Variants in TMEM131L observed in about 807,000 individuals in gnomAD.
The protein encoded by TMEM131L is transmembrane protein 131-like.
A neutral mutation model predicts 192.2 loss-of-function variants in TMEM131L; 54 were observed. The observed-to-expected ratio is 0.28, with a 90% CI of 0.23 to 0.35. The LOEUF is 0.35. Ranked by LOEUF, TMEM131L falls within the 10% of genes least tolerant of loss-of-function variation. TMEM131L has a pLI of 1.00. For synonymous variants in TMEM131L, 701 were observed against 704.9 expected, an observed-to-expected ratio of 0.99 and a Z score of 0.09; for missense variants, 1,888 against 1,972.9, an observed-to-expected ratio of 0.96 and a Z score of 0.82.
chr4:153,627,717 C>CA lies in TMEM131L; in HGVS notation c.4207+31dup, dbSNP rs1325393708. 1.9e-6 allele frequency: 3 copies of CA among 1,559,924 alleles called. No individual in the cohort carries two copies. The South Asian group carries it at 3.3e-5, about 17-fold the overall frequency. On this transcript the variant is annotated intron_variant, in intron 31 of 34. Coordinates refer to ENST00000409959, the MANE Select transcript of TMEM131L (RefSeq NM_001131007.2). ...GATGCATTCGTCTTGCTGCAGACAT[C>CA]AGCCAAGGGTTCTGTGCTGTCTGTA...
intron 20 of TMEM131L, 26 bp from the exon 21 acceptor site, chr4:153,598,564 T>C: frequency 3.7e-6 from 6 of 1,602,220 alleles, no homozygotes; most frequent in Non-Finnish European, 5.1e-6. Flanking sequence ...GTAATGCCTT[T>C]TTATATCTAT....
intron 3 of TMEM131L, among the ~76,000 whole-genome samples, chr4:153,515,912 A>ATTT (rs58389534): frequency 7.5e-6 from 1 of 132,688 alleles, no homozygotes. Flanking sequence ...TCCTCTGCCC[A>ATTT]TTTTTTTTTT....
Position 153,627,597 on chromosome 4 carries a change from C to G in TMEM131L, c.4125-8C>G. On this transcript the variant is annotated splice_polypyrimidine_tract_variant and splice_region_variant and intron_variant, in intron 30 of 34. Transcript: ENST00000409959. ...TGAGTCGTTCCTCCTTTGCCCTCTTCCCCACAGGACCGTGAATAGTCTCCC... is the reference window on the plus strand; with the variant it reads ...TGAGTCGTTCCTCCTTTGCCCTCTTGCCCACAGGACCGTGAATAGTCTCCC... 3 of 1,612,262 alleles carry G rather than the reference C, an allele frequency of 1.9e-6. No homozygotes were observed. The highest frequency in any genetic ancestry group is 1.7e-6 in the Non-Finnish European group (2 of 1,178,440).
intron 18 of TMEM131L, among the ~76,000 whole-genome samples, chr4:153,593,070 C>T (rs541300759): frequency 4.1e-4 from 63 of 152,242 alleles, no homozygotes; most frequent in African/African-American, 1.2e-3. Flanking sequence ...TCTCCACCTG[C>T]GGTTGGTTGA....
chr4:153,531,081 C>T (rs1299587839), intron 3 of TMEM131L, among the ~76,000 whole-genome samples: 1 of 152,168 alleles, frequency 6.6e-6, no homozygotes, highest in African/African-American at 2.4e-5. Context: ...TGCAAGTATC[C>T]TGGAATGAGC....
At chr4:153,571,015 C>T (rs1350329861) in intron 7 of TMEM131L, among the ~76,000 whole-genome samples, 1 of 152,004 alleles carries the variant, frequency 6.6e-6, no homozygotes, top group Non-Finnish European at 1.5e-5. Flanking sequence ...TAAATTAGTA[C>T]ATTCCTTTAA....
intron 4 of TMEM131L, among the ~76,000 whole-genome samples, chr4:153,552,821 G>A (rs979680196): frequency 2.0e-5 from 3 of 151,934 alleles, no homozygotes; most frequent in African/African-American, 7.3e-5. Flanking sequence ...ATGACAGAGT[G>A]AGACCTTGTC....
chr4:153,622,676 G>GC (rs776956400), intron 28 of TMEM131L, among the ~76,000 whole-genome samples: 33 of 152,142 alleles, frequency 2.2e-4, no homozygotes, highest in Non-Finnish European at 4.6e-4. Flanking sequence ...GGCCCTCTTA[G>GC]CCCCTAATTG....
At position 153,555,548 on chromosome 4, in the gene TMEM131L, T is replaced by A. The variant is rs190069306; in HGVS notation, c.309-239T>A. Among the ~76,000 whole-genome samples, 11 of 152,238 alleles carry A rather than the reference T, an allele frequency of 7.2e-5. 1 individual carries two copies. Among genetic ancestry groups the A allele is most frequent in the Admixed American group, 4.6e-4 (7 of 15,294 alleles). The stretch of plus-strand genomic sequence containing the variant: ...TTTTCTAACACTGAAACCAATGGAG[T>A]GCTACTGTGGGTTGGCCTAAGCCTT... On this transcript the variant is annotated intron_variant, in intron 4 of 34. Transcript: ENST00000409959. The surrounding 1 kb of genome is among the most constrained non-coding windows in gnomAD (Gnocchi z 4.1).
intron 17 of TMEM131L, among the ~76,000 whole-genome samples, chr4:153,591,931 C>G (rs1372703017): frequency 6.6e-6 from 1 of 152,148 alleles, no homozygotes; most frequent in African/African-American, 2.4e-5. Context: ...GTTTGCCACA[C>G]TTGCTTGAAC....
At chr4:153,622,175 T>TA (rs1234445634) in intron 28 of TMEM131L, among the ~76,000 whole-genome samples, 4 of 152,168 alleles carry the variant, frequency 2.6e-5, no homozygotes, top group Non-Finnish European at 1.5e-5. Context: ...GAGATAGTGC[T>TA]ACCCCCGTGC....
At chr4:153,605,610 C>T (rs1282224715) in intron 25 of TMEM131L, among the ~76,000 whole-genome samples, 1 of 152,246 alleles carries the variant, frequency 6.6e-6, no homozygotes, top group Non-Finnish European at 1.5e-5. Flanking sequence ...CTGCCTTGGC[C>T]TCCTAAAATG....
rs546840844 is a variant in TMEM131L at position 153,587,914 on chromosome 4, G to A, written c.1552+103G>A. The A allele has an allele frequency of 2.6e-5, 22 of 852,962 alleles. 1 individual carries two copies. Among genetic ancestry groups the A allele is most frequent in the South Asian group, 2.3e-4 (17 of 73,800 alleles). The allele number at this position is 852,962 out of a possible 1,614,324, so 52.8% of individuals were successfully genotyped here. A position where few individuals can be genotyped will look rare whatever the true frequency, so the allele number is the denominator to read the frequency against. Reference sequence around the variant, plus strand: ...CAATGGAATAATTAGTTCTGTAAAGGCATCATATTCTATAGAGAGGATGAT... The same window carrying A: ...CAATGGAATAATTAGTTCTGTAAAGACATCATATTCTATAGAGAGGATGAT... On this transcript the variant is annotated intron_variant, in intron 15 of 34. Transcript: ENST00000409959.
chr4:153,487,927 G>A (rs1732468799), intron 3 of TMEM131L, among the ~76,000 whole-genome samples: 1 of 150,406 alleles, frequency 6.6e-6, no homozygotes, highest in African/African-American at 2.5e-5. Flanking sequence ...GTTTGTGAGT[G>A]CGAGAGAGCA....
rs559331092 is a variant in TMEM131L at position 153,571,251 on chromosome 4, A to G, written c.661-9575A>G. On this transcript the variant is annotated intron_variant, in intron 7 of 34. Transcript: ENST00000409959. Reference sequence around the variant, plus strand: ...TCCCAGTCAGGCCCAGGCTCGGTTTATCTTGTCCTGCCTGGTTCTCCTTTA... The same window carrying G: ...TCCCAGTCAGGCCCAGGCTCGGTTTGTCTTGTCCTGCCTGGTTCTCCTTTA... 2.0e-5 allele frequency among the ~76,000 whole-genome samples: 3 copies of G among 152,334 alleles called. No individual in the cohort carries two copies. In the East Asian group the frequency reaches 5.8e-4, roughly 29 times the overall value.
rs369546140 is a variant in TMEM131L, at chr4:153,500,815, GCACA to G, written c.239+26936_239+26939del. On this transcript the variant is annotated intron_variant, in intron 3 of 34. Transcript: ENST00000409959. ...CACACACGCTCACACACGCGTGCAT[GCACA>G]CACACACAGGCATGTGCACTTTTTT... Among the ~76,000 whole-genome samples, 155 of 151,998 alleles carry G rather than the reference GCACA, an allele frequency of 1.0e-3. 1 individual carries two copies. The Middle Eastern group carries it at 0.014, about 13-fold the overall frequency.
chr4:153,528,824 A>G (rs1222239642), intron 3 of TMEM131L, among the ~76,000 whole-genome samples: 1 of 152,294 alleles, frequency 6.6e-6, no homozygotes, highest in East Asian at 1.9e-4. Context: ...TGTGGGCCAC[A>G]GATAGGGTAG....
chr4:153,598,838 A>AG, intron 21 of TMEM131L, 106 bp downstream of exon 21: 3 of 895,890 alleles, frequency 3.3e-6, no homozygotes, highest in Admixed American at 3.7e-5. Context: ...TTAAATTTTT[A>AG]AATTCTAAAA....
chr4:153,593,081 A>C (rs1731184573), intron 18 of TMEM131L, among the ~76,000 whole-genome samples: 2 of 152,140 alleles, frequency 1.3e-5, no homozygotes, highest in Non-Finnish European at 2.9e-5. Flanking sequence ...GGTTGGTTGA[A>C]CCTGCAGGTT....
Sources: allele counts gnomAD v4.1 joint callset (sites outside exome capture counted in the v4.1 genomes callset), GRCh38; gene constraint gnomAD v4.1.1; non-coding constraint Gnocchi (gnomAD v3.1); transcripts MANE v1.5; gene names NCBI Gene and HGNC (gene_info 2026-07-23, HGNC 2026-07-21).